The following GLT1D1 variants were observed in gnomAD, a reference collection of about 807,000 sequenced individuals.
The protein encoded by GLT1D1 is glycosyltransferase 1 domain-containing protein 1.
GLT1D1 carries 21 observed loss-of-function variants against 28.7 expected under a neutral mutation model. That is an observed-to-expected ratio of 0.73 (90% CI 0.52 to 1.05). The LOEUF (loss-of-function observed/expected upper bound fraction) is 1.05. Ranked by LOEUF, GLT1D1 falls within the 50% of genes least tolerant of loss-of-function variation. The pLI is 0.00. For synonymous variants in GLT1D1, 147 were observed against 124.8 expected (o/e 1.18, Z -1.19); for missense variants, 343 against 330.6 (o/e 1.04, Z -0.29).
At position 128,866,093 on chromosome 12, in the gene GLT1D1, A is replaced by T. The variant is rs567877669; in HGVS notation, c.69-9821A>T. On this transcript the variant is annotated intron_variant, in intron 1 of 7. Transcript: ENST00000281703. ...TTTTTTTTTTTTTTTTTTGAGACAG[A>T]GTCTTGGCTCTGTTGCCCAGGCTGG... 2.9e-5 allele frequency among the ~76,000 whole-genome samples: 4 copies of T among 139,202 alleles called. No homozygotes were observed. The South Asian group carries it at 9.3e-4, about 32-fold the overall frequency. 91.3% of individuals were successfully genotyped at this position (139,202 alleles called of 152,430 possible). A position where few individuals can be genotyped will look rare whatever the true frequency, so the allele number is the denominator to read the frequency against.
intron 2 of GLT1D1, among the ~76,000 whole-genome samples, chr12:128,881,590 A>T (rs1957062177): frequency 8.0e-6 from 1 of 124,492 alleles, no homozygotes; most frequent in Admixed American, 8.8e-5. Flanking sequence ...ATATATATAT[A>T]TATAAAATTT....
At chr12:128,915,972 A>G (rs11060014) in intron 4 of GLT1D1, among the ~76,000 whole-genome samples, 24,964 of 152,062 alleles carry the variant, frequency 0.16, 2,231 homozygotes, top group African/African-American at 0.19. Flanking sequence ...ATCAAGATAG[A>G]TAACATTTCC....
At chr12:128,972,030 G>C (rs1274640470) in intron 7 of GLT1D1, among the ~76,000 whole-genome samples, 1 of 151,530 alleles carries the variant, frequency 6.6e-6, no homozygotes, top group East Asian at 2.0e-4. Context: ...ACACGTCAAG[G>C]CTCCCTCTCC....
intron 3 of GLT1D1, among the ~76,000 whole-genome samples, chr12:128,894,839 G>A (rs1869449027): frequency 6.6e-6 from 1 of 151,526 alleles, no homozygotes; most frequent in Non-Finnish European, 1.5e-5. Context: ...AACAGAGCAA[G>A]ACTCCATCTC....
intron 7 of GLT1D1, among the ~76,000 whole-genome samples, chr12:128,979,320 T>A (rs1249946262): frequency 1.3e-5 from 2 of 151,938 alleles, no homozygotes; most frequent in Admixed American, 1.3e-4. Flanking sequence ...AGGTGGGTCC[T>A]CGGCTTGGGG....
At chr12:128,863,149 T>A (rs1323499864) in intron 1 of GLT1D1, among the ~76,000 whole-genome samples, 1 of 151,842 alleles carries the variant, frequency 6.6e-6, no homozygotes, top group Non-Finnish European at 1.5e-5. Context: ...GACTGGCCAG[T>A]TTATGCTTAG....
chr12:128,969,353 T>G (rs1050957379), intron 7 of GLT1D1, among the ~76,000 whole-genome samples: 1 of 152,138 alleles, frequency 6.6e-6, no homozygotes, highest in Non-Finnish European at 1.5e-5. Context: ...TCTAAAGTGG[T>G]TCTTCTCACC....
chr12:128,944,170 G>T (rs1195455690), intron 4 of GLT1D1: 3 of 376,448 alleles, frequency 8.0e-6, no homozygotes, highest in Non-Finnish European at 1.6e-5. Context: ...AATTTTCAAA[G>T]AATTCATACA....
intron 7 of GLT1D1, among the ~76,000 whole-genome samples, chr12:128,980,945 G>A (rs1180108848): frequency 6.6e-6 from 1 of 152,232 alleles, no homozygotes; most frequent in Admixed American, 6.5e-5. Context: ...TCGCTGGTAA[G>A]CACACGACAG....
chr12:128,980,186 T>G (rs1880187116), intron 7 of GLT1D1, among the ~76,000 whole-genome samples: 2 of 152,206 alleles, frequency 1.3e-5, no homozygotes, highest in Admixed American at 1.3e-4. Flanking sequence ...TTCTGTTGGT[T>G]GGAGGCAAGT....
intron 1 of GLT1D1, among the ~76,000 whole-genome samples, chr12:128,856,098 G>A (rs1015611225): frequency 6.6e-6 from 1 of 152,118 alleles, no homozygotes; most frequent in Admixed American, 6.6e-5. Context: ...TGCTAAACAA[G>A]GAGTGGATTA....
intron 5 of GLT1D1, among the ~76,000 whole-genome samples, chr12:128,945,745 T>C (rs896847622): frequency 1.3e-5 from 2 of 152,146 alleles, no homozygotes; most frequent in African/African-American, 2.4e-5. Context: ...CTTGAACAGA[T>C]TGAACTTTCA....
At chr12:128,964,630 C>T (rs61946469) in intron 7 of GLT1D1, among the ~76,000 whole-genome samples, 32,051 of 152,162 alleles carry the variant, frequency 0.21, 4,146 homozygotes, top group Non-Finnish European at 0.3. Flanking sequence ...TCATAATCAC[C>T]GTTGGACCTG....
At chr12:128,975,362 G>C (rs895153203) in intron 7 of GLT1D1, among the ~76,000 whole-genome samples, 4 of 152,140 alleles carry the variant, frequency 2.6e-5, no homozygotes, top group African/African-American at 9.7e-5. Context: ...CTATGCACAG[G>C]GCTCATTGAC....
chr12:128,983,756 A>G lies in GLT1D1; in HGVS notation c.*666A>G, dbSNP rs1047603874. 4 of 152,300 alleles carry G rather than the reference A, an allele frequency of 2.6e-5. No homozygotes were observed. Among genetic ancestry groups the G allele is most frequent in the African/African-American group, 9.6e-5 (4 of 41,472 alleles). The allele number at this position is 152,300 out of a possible 1,614,324, so 9.4% of individuals were successfully genotyped here. Reference sequence around the variant, plus strand: ...AATTTGAGTGGAAAACCAGGAAGGAACAAGCGCCACGTCACGCATAGCCTG... The same window carrying G: ...AATTTGAGTGGAAAACCAGGAAGGAGCAAGCGCCACGTCACGCATAGCCTG... On this transcript the variant is annotated 3_prime_UTR_variant, in exon 8 of 8. Coordinates refer to ENST00000281703, the MANE Select transcript of GLT1D1 (RefSeq NM_144669.3). This position sits in a 1 kb window ranked among gnomAD's most constrained non-coding sequence, Gnocchi z 4.7.
Position 128,983,162 on chromosome 12 carries a change from A to ACACTCAGAGACAGAGTTCTGGG in GLT1D1, c.*72_*73insCACTCAGAGACAGAGTTCTGGG. On this transcript the variant is annotated 3_prime_UTR_variant, in exon 8 of 8. Coordinates refer to ENST00000281703, the MANE Select transcript of GLT1D1 (RefSeq NM_144669.3). This position sits in a 1 kb window ranked among gnomAD's most constrained non-coding sequence, Gnocchi z 4.7. Reference sequence around the variant, plus strand: ...TGCACACTCAGAGACAGAGTTCTGGATCACGTGGGCCCAGTGCAGTTCAAA... The same window carrying ACACTCAGAGACAGAGTTCTGGG: ...TGCACACTCAGAGACAGAGTTCTGGACACTCAGAGACAGAGTTCTGGGTCACGTGGGCCCAGTGCAGTTCAAA... 4.2e-6 allele frequency: 6 copies of ACACTCAGAGACAGAGTTCTGGG among 1,422,854 alleles called. No individual in the cohort carries two copies. Among genetic ancestry groups the ACACTCAGAGACAGAGTTCTGGG allele is most frequent in the Non-Finnish European group, 5.9e-6 (6 of 1,020,598 alleles). 88.1% of individuals were successfully genotyped at this position (1,422,854 alleles called of 1,614,324 possible). A position where few individuals can be genotyped will look rare whatever the true frequency, so the allele number is the denominator to read the frequency against.
chr12:128,866,340 A>T (rs1956517929), intron 1 of GLT1D1, among the ~76,000 whole-genome samples: 1 of 152,014 alleles, frequency 6.6e-6, no homozygotes, highest in Admixed American at 6.6e-5. Context: ...AAGTGCTGGG[A>T]TTACAGGTGT....
intron 7 of GLT1D1, among the ~76,000 whole-genome samples, chr12:128,966,813 G>C (rs1054747404): frequency 6.6e-6 from 1 of 152,024 alleles, no homozygotes; most frequent in African/African-American, 2.4e-5. Flanking sequence ...AAAAAATGAC[G>C]ATTAAACATA....
Position 128,947,330 on chromosome 12 carries a change from T to A in GLT1D1, c.420-8T>A, listed in dbSNP as rs755538181. ...AATCAGAGCCACTCTTCCTGCTTTG[T>A]GTTTCAGAGCCGCTGGGGTACGATT... On this transcript the variant is annotated splice_region_variant and splice_polypyrimidine_tract_variant and intron_variant, in intron 5 of 7. Coordinates refer to ENST00000281703, the MANE Select transcript of GLT1D1 (RefSeq NM_144669.3). The A allele has an allele frequency of 2.3e-5, 37 of 1,613,812 alleles. No homozygotes were observed. The highest frequency in any genetic ancestry group is 1.2e-4 in the Admixed American group (7 of 60,024).
Sources: allele counts gnomAD v4.1 joint callset (sites outside exome capture counted in the v4.1 genomes callset), GRCh38; gene constraint gnomAD v4.1.1; non-coding constraint Gnocchi (gnomAD v3.1); transcripts MANE v1.5; gene names NCBI Gene and HGNC (gene_info 2026-07-23, HGNC 2026-07-21).